The following EZH2 variants were observed in gnomAD, a reference collection of about 807,000 sequenced individuals.
The protein encoded by EZH2 is histone-lysine N-methyltransferase EZH2.
A neutral mutation model predicts 98.4 loss-of-function variants in EZH2; 18 were observed. That is an observed-to-expected ratio of 0.18 (90% CI 0.13 to 0.27). The LOEUF (loss-of-function observed/expected upper bound fraction) is 0.27. EZH2 is among the 10% of genes least tolerant of loss of function. The probability of loss-of-function intolerance (pLI) is 1.00; values close to 1 mark genes in which losing one functional copy is unlikely to be tolerated. For missense variants in EZH2, 470 were observed against 935.1 expected (o/e 0.50, Z 6.49); for synonymous variants, 338 against 312.3 (o/e 1.08, Z -0.87).
At chr7:148,819,438 A>G (rs901298344) in intron 9 of EZH2, among the ~76,000 whole-genome samples, 158 bp downstream of exon 9, 7 of 152,248 alleles carry the variant, frequency 4.6e-5, no homozygotes, top group Non-Finnish European at 1.0e-4. Flanking sequence ...TGTGCAGTAC[A>G]TGAGCTATGG....
chr7:148,874,896 C>CAAA (rs546277839), intron 1 of EZH2, among the ~76,000 whole-genome samples: 1 of 81,452 alleles, frequency 1.2e-5, no homozygotes, highest in Non-Finnish European at 2.7e-5. Context: ...GACTCCGTCT[C>CAAA]AAAAAAAAAA....
intron 3 of EZH2, among the ~76,000 whole-genome samples, chr7:148,841,649 A>C (rs996928764): frequency 6.6e-6 from 1 of 152,226 alleles, no homozygotes; most frequent in Non-Finnish European, 1.5e-5. Flanking sequence ...CTACACTCAA[A>C]GAATGTATCT....
At chr7:148,815,629 G>A in intron 12 of EZH2, 83 bp from the exon 13 acceptor site, 1 of 1,230,800 alleles carries the variant, frequency 8.1e-7, no homozygotes, top group African/African-American at 1.5e-5. Context: ...GGATCTATCT[G>A]TGCCATGAAT....
In EZH2 at chr7:148,846,603, A is replaced by C; in HGVS notation, c.118-5T>G. 9.0e-7 allele frequency: 1 copy of C among 1,115,488 alleles called. No individual in the cohort carries two copies. The highest frequency in any genetic ancestry group is 1.2e-6 in the Non-Finnish European group (1 of 860,430). 69.1% of individuals were successfully genotyped at this position (1,115,488 alleles called of 1,614,324 possible). On this transcript the variant is annotated splice_polypyrimidine_tract_variant and splice_region_variant and intron_variant, in intron 2 of 19. Coordinates refer to ENST00000320356, the MANE Select transcript of EZH2 (RefSeq NM_004456.5). Reference sequence around the variant, plus strand: ...ACGATTGGAACTAAACATACTCTTAAAAAAAAAAATGAAGGAGAGGAAAGG... The same window carrying C: ...ACGATTGGAACTAAACATACTCTTACAAAAAAAAATGAAGGAGAGGAAAGG...
chr7:148,817,376 C>G lies in EZH2; in HGVS notation c.1256G>C (p.Cys419Ser). 6 of 1,612,788 alleles carry G rather than the reference C, an allele frequency of 3.7e-6. No homozygotes were observed. Among genetic ancestry groups the G allele is most frequent in the Non-Finnish European group, 4.2e-6 (5 of 1,179,740 alleles). The change falls in exon 11 of 20, where the codon TGT becomes TCT. Residue 419 changes from cysteine to serine, a missense_variant. Around this residue, in one of 6 missense-constraint regions of EZH2, gnomAD observed 192 missense variants for 306.8 expected, o/e 0.63. Transcript: ENST00000320356. ...TGGCTTCATCTTTATTGGTGTTTGA[C>G]ACCGAGAATTTGCTTCTACAAAACC... Reference protein sequence around the residue: ...TSSSSEANSRCQTPIKMKPNI... With the variant: ...TSSSSEANSRSQTPIKMKPNI...
intron 1 of EZH2, among the ~76,000 whole-genome samples, chr7:148,859,174 G>A (rs1306460995): frequency 6.6e-6 from 1 of 152,164 alleles, no homozygotes; most frequent in Admixed American, 6.5e-5. Flanking sequence ...AAAAATCTGT[G>A]CCCTTATACA....
intron 1 of EZH2, among the ~76,000 whole-genome samples, chr7:148,867,452 C>T (rs1232662870): frequency 6.6e-6 from 1 of 152,184 alleles, no homozygotes; most frequent in African/African-American, 2.4e-5. Flanking sequence ...TATAACATTA[C>T]TTATCAAAAG....
In EZH2 at chr7:148,810,370, A is replaced by T; in HGVS notation, c.1992T>A (p.Asp664Glu). The stretch of plus-strand genomic sequence containing the variant: ...TGAACAGAAAGCTGCACATGTATTT[A>T]TCATACACTTTCCCTCTTCTGTCAG... ...DEADRRGKVY[D>E]KYMCSFLFNL... The change falls in exon 17 of 20, where the codon GAT (aspartate) becomes GAA (glutamate). Residue 664 changes from aspartate (D) to glutamate (E), a missense_variant. Asp to Glu is a conservative substitution (Grantham distance 45). This residue lies in a region of EZH2 where 106 missense variants were observed against 327.2 expected (regional missense o/e 0.32). Coordinates refer to ENST00000320356, the MANE Select transcript of EZH2 (RefSeq NM_004456.5). The T allele has an allele frequency of 6.2e-7, 1 of 1,611,790 alleles. No individual in the cohort carries two copies. The highest frequency in any genetic ancestry group is 8.5e-7 in the Non-Finnish European group (1 of 1,178,090).
chr7:148,812,706 G>C (rs909770336), intron 15 of EZH2, among the ~76,000 whole-genome samples: 3 of 152,136 alleles, frequency 2.0e-5, no homozygotes, highest in African/African-American at 7.2e-5. Context: ...AGTTGTTTGG[G>C]GGGGAAATTG....
intron 8 of EZH2, among the ~76,000 whole-genome samples, chr7:148,820,066 C>T (rs896428041): frequency 1.3e-5 from 2 of 152,202 alleles, no homozygotes; most frequent in African/African-American, 4.8e-5. Flanking sequence ...TTAATTCTGA[C>T]ATACAATTTC....
At chr7:148,858,241 T>C (rs1256527438) in intron 1 of EZH2, among the ~76,000 whole-genome samples, 2 of 150,972 alleles carry the variant, frequency 1.3e-5, no homozygotes, top group Non-Finnish European at 3.0e-5. Flanking sequence ...GCAATGAGCC[T>C]AGATAGCGCC....
intron 4 of EZH2, 45 bp downstream of exon 4, chr7:148,832,589 A>G: frequency 1.9e-6 from 2 of 1,049,752 alleles, no homozygotes; most frequent in Non-Finnish European, 2.8e-6. Flanking sequence ...TTTTTACTTC[A>G]AATAAGTTAT....
At chr7:148,843,438 G>A (rs62505372) in intron 3 of EZH2, among the ~76,000 whole-genome samples, 113,944 of 151,758 alleles carry the variant, frequency 0.75, 42,874 homozygotes, top group Middle Eastern at 0.84. Context: ...GGGTTCAAAT[G>A]CAGAGCTCCC....
chr7:148,868,463 CT>C (rs1818857016), intron 1 of EZH2, among the ~76,000 whole-genome samples: 2 of 152,130 alleles, frequency 1.3e-5, no homozygotes, highest in African/African-American at 4.8e-5. Flanking sequence ...CGAGAACTCA[CT>C]GTCACGAGAA....
chr7:148,837,764 C>G (rs1328963976), intron 3 of EZH2, among the ~76,000 whole-genome samples: 1 of 152,094 alleles, frequency 6.6e-6, no homozygotes, highest in Non-Finnish European at 1.5e-5. Flanking sequence ...AAGAAAAAAC[C>G]CCATTAAGAT....
At chr7:148,838,763 G>A (rs1811562507) in intron 3 of EZH2, among the ~76,000 whole-genome samples, 1 of 152,154 alleles carries the variant, frequency 6.6e-6, no homozygotes, top group Non-Finnish European at 1.5e-5. Flanking sequence ...GTTCAAGTGA[G>A]TGGGCAAGAC....
At chr7:148,843,583 G>GTTTTTTTT (rs1157236882) in intron 3 of EZH2, among the ~76,000 whole-genome samples, 1 of 64,340 alleles carries the variant, frequency 1.6e-5, no homozygotes, top group African/African-American at 7.0e-5. Context: ...GGGAGTATAA[G>GTTTTTTTT]TTTTTTTTTT....
At chr7:148,810,484 C>G (rs530394740) in intron 16 of EZH2, 70 bp from the exon 17 acceptor site, 1 of 1,046,906 alleles carries the variant, frequency 9.6e-7, no homozygotes, top group African/African-American at 1.6e-5. Flanking sequence ...CACACAAAAG[C>G]GCACAGAGTG....
chr7:148,827,968 A>C (rs1169156065), intron 6 of EZH2, among the ~76,000 whole-genome samples: 3 of 152,204 alleles, frequency 2.0e-5, no homozygotes, highest in East Asian at 3.8e-4. Context: ...AATACAAAAA[A>C]TTAGCTGGGT....
Sources: allele counts gnomAD v4.1 joint callset (sites outside exome capture counted in the v4.1 genomes callset), GRCh38; gene constraint gnomAD v4.1.1; regional missense constraint gnomAD v4.1.1; transcripts MANE v1.5; gene names NCBI Gene and HGNC (gene_info 2026-07-23, HGNC 2026-07-21).